The following RAP1A variants were observed in gnomAD, a reference collection of about 807,000 sequenced individuals.
The protein encoded by RAP1A is ras-related protein Rap-1A.
Under a neutral mutation model 26.4 loss-of-function variants are expected in RAP1A, and 6 were observed. That is an observed-to-expected ratio of 0.23 (90% CI 0.12 to 0.45). The LOEUF (loss-of-function observed/expected upper bound fraction) is 0.45. RAP1A is among the 20% of genes least tolerant of loss of function. RAP1A has a pLI of 0.99. For synonymous variants in RAP1A, 73 were observed against 79.4 expected, an observed-to-expected ratio of 0.92 and a Z score of 0.43; for missense variants, 121 against 217.2, an observed-to-expected ratio of 0.56 and a Z score of 2.78.
In RAP1A at chr1:111,715,771, T is replaced by C. The variant is rs565570056; in HGVS notation, c.*3370T>C. Reference sequence around the variant, plus strand: ...AAATAATGATCTTTATTACCAACTTTATTAAAACAGGCTTGGAACATTTTT... The same window carrying C: ...AAATAATGATCTTTATTACCAACTTCATTAAAACAGGCTTGGAACATTTTT... On this transcript the variant is annotated 3_prime_UTR_variant, in exon 8 of 8. Transcript: ENST00000369709. 6 of 152,372 alleles carry C rather than the reference T, an allele frequency of 3.9e-5. No individual in the cohort carries two copies. Among genetic ancestry groups the C allele is most frequent in the African/African-American group, 1.4e-4 (6 of 41,592 alleles). The allele number at this position is 152,372 out of a possible 1,614,324, so 9.4% of individuals were successfully genotyped here. A position where few individuals can be genotyped will look rare whatever the true frequency, so the allele number is the denominator to read the frequency against.
At chr1:111,648,870 GC>G in intron 1 of RAP1A, 1 of 777,816 alleles carries the variant, frequency 1.3e-6, no homozygotes, top group Non-Finnish European at 2.3e-6. Context: ...GGGGGCATCT[GC>G]CTCCATGGTC....
At chr1:111,620,303 C>T (rs75195323) in intron 1 of RAP1A, among the ~76,000 whole-genome samples, 1,571 of 152,364 alleles carry the variant, frequency 0.01, 23 homozygotes, top group African/African-American at 0.036. Flanking sequence ...CGCCGTCTCC[C>T]CAGACACGGT....
intron 6 of RAP1A, chr1:111,706,899 A>C: frequency 4.4e-6 from 1 of 225,134 alleles, no homozygotes; most frequent in Non-Finnish European, 7.4e-6. Context: ...AACTACTTGT[A>C]ATTTTTATTA....
chr1:111,639,512 T>A (rs559583498), intron 1 of RAP1A, among the ~76,000 whole-genome samples: 1 of 152,104 alleles, frequency 6.6e-6, no homozygotes, highest in South Asian at 2.1e-4. Context: ...ATTGTTAAAA[T>A]TTTTAAATGT....
At chr1:111,615,108 G>A (rs913943969), upstream of RAP1A, among the ~76,000 whole-genome samples, 1 of 152,070 alleles carries the variant, frequency 6.6e-6, no homozygotes, top group Non-Finnish European at 1.5e-5. Context: ...GTTAGTAGGA[G>A]TTACAGCAAG....
At chr1:111,696,910 C>T (rs1661848657) in intron 3 of RAP1A, among the ~76,000 whole-genome samples, 1 of 152,034 alleles carries the variant, frequency 6.6e-6, no homozygotes, top group South Asian at 2.1e-4. Context: ...TATTTTAGTA[C>T]TCCTGTGTTT....
intron 1 of RAP1A, among the ~76,000 whole-genome samples, chr1:111,565,180 G>A (rs1657890200): frequency 6.6e-6 from 1 of 152,208 alleles, no homozygotes; most frequent in Non-Finnish European, 1.5e-5. Flanking sequence ...GAATGGGAAG[G>A]AGGCCAGTGT....
At chr1:111,645,476 A>G (rs1475057514) in intron 1 of RAP1A, among the ~76,000 whole-genome samples, 1 of 152,178 alleles carries the variant, frequency 6.6e-6, no homozygotes, top group African/African-American at 2.4e-5. Flanking sequence ...TCAGTTATAT[A>G]ATAATATTTT....
intron 1 of RAP1A, among the ~76,000 whole-genome samples, chr1:111,651,098 G>A (rs1448849007): frequency 2.6e-5 from 4 of 152,064 alleles, no homozygotes; most frequent in Admixed American, 2.6e-4. Flanking sequence ...CACTGCGCCC[G>A]TCTTCACCTT....
intron 4 of RAP1A, among the ~76,000 whole-genome samples, chr1:111,699,974 A>G (rs1661966928): frequency 6.6e-6 from 1 of 152,162 alleles, no homozygotes; most frequent in African/African-American, 2.4e-5. Context: ...TTTCTAATGT[A>G]AAACCTTTAT....
chr1:111,698,733 T>C (rs1446760056), intron 4 of RAP1A, among the ~76,000 whole-genome samples: 1 of 152,170 alleles, frequency 6.6e-6, no homozygotes, highest in Non-Finnish European at 1.5e-5. Context: ...TTTCCATTCT[T>C]TTTTGGGAAA....
At chr1:111,657,099 A>G (rs1660485368) in intron 1 of RAP1A, among the ~76,000 whole-genome samples, 1 of 152,002 alleles carries the variant, frequency 6.6e-6, no homozygotes, top group African/African-American at 2.4e-5. Flanking sequence ...GGATACCTAT[A>G]TGTCAAAATT....
intron 1 of RAP1A, among the ~76,000 whole-genome samples, chr1:111,636,624 C>T (rs988324318): frequency 1.3e-5 from 2 of 151,882 alleles, no homozygotes; most frequent in African/African-American, 4.8e-5. Flanking sequence ...GCTGGGATTA[C>T]AGGCATGCGC....
chr1:111,704,049 T>C (rs1023131564), intron 5 of RAP1A, among the ~76,000 whole-genome samples: 6 of 151,996 alleles, frequency 3.9e-5, no homozygotes, highest in African/African-American at 1.4e-4. Flanking sequence ...GCAGTCCTCC[T>C]ACCTCAGCCT....
chr1:111,643,058 C>T (rs1420403705), intron 1 of RAP1A, among the ~76,000 whole-genome samples: 3 of 152,188 alleles, frequency 2.0e-5, no homozygotes, highest in African/African-American at 7.2e-5. Context: ...GCGTGAGCCA[C>T]TGCGCCCGGC....
chr1:111,687,728 T>C lies in RAP1A; in HGVS notation c.-27-3606T>C, dbSNP rs185374960. 7.9e-5 allele frequency among the ~76,000 whole-genome samples: 12 copies of C among 152,248 alleles called. No individual in the cohort carries two copies. In the East Asian group the frequency reaches 1.9e-3, roughly 24 times the overall value. On this transcript the variant is annotated intron_variant, in intron 1 of 7. Coordinates refer to ENST00000369709, the MANE Select transcript of RAP1A (RefSeq NM_002884.4). The stretch of plus-strand genomic sequence containing the variant: ...TTTGATTTAAGTGGTGAAATTACTT[T>C]TGTGGCTGGGTGTGCTGGCTCATGC...
At chr1:111,662,418 A>T (rs79373605) in intron 1 of RAP1A, among the ~76,000 whole-genome samples, 2 of 139,708 alleles carry the variant, frequency 1.4e-5, no homozygotes, top group East Asian at 2.1e-4. Context: ...AAAAAAAAAA[A>T]TTAACTTGAT....
chr1:111,675,074 A>G (rs1344643994), intron 1 of RAP1A, among the ~76,000 whole-genome samples: 1 of 151,990 alleles, frequency 6.6e-6, no homozygotes, highest in African/African-American at 2.4e-5. Flanking sequence ...TTAATTCTTT[A>G]GTGTGTTTGC....
intron 1 of RAP1A, among the ~76,000 whole-genome samples, chr1:111,654,184 T>G (rs543391278): frequency 7.9e-5 from 12 of 152,364 alleles, no homozygotes; most frequent in South Asian, 4.1e-4. Context: ...CGAGTTACTG[T>G]AAGGATTTTA....
Sources: allele counts gnomAD v4.1 joint callset (sites outside exome capture counted in the v4.1 genomes callset), GRCh38; gene constraint gnomAD v4.1.1; transcripts MANE v1.5; gene names NCBI Gene and HGNC (gene_info 2026-07-23, HGNC 2026-07-21).